Variants in AAGAB observed in about 807,000 individuals in gnomAD.
The protein encoded by AAGAB is alpha- and gamma-adaptin-binding protein p34.
AAGAB carries 38 observed loss-of-function variants against 44.1 expected under a neutral mutation model. The ratio of observed to expected loss-of-function variants is 0.86; its 90% confidence interval spans 0.67 to 1.13. The LOEUF (loss-of-function observed/expected upper bound fraction) is 1.13, where lower values mean the gene tolerates loss of function less well. Among genes scored for constraint, AAGAB ranks in the 50% most tolerant of loss-of-function variants. The pLI is 0.00. For synonymous variants in AAGAB, 131 were observed against 131.8 expected (o/e 0.99, Z 0.04); for missense variants, 450 against 373.8 (o/e 1.20, Z -1.68).
At position 67,236,756 on chromosome 15, in the gene AAGAB, G is replaced by C. The variant is rs199933646; in HGVS notation, c.138C>G (p.Pro46=). Residue 46 remains proline (P), a synonymous_variant, in exon 2 of 10, where the codon CCC becomes CCG. Transcript: ENST00000261880. ...VTSNDAVRFY[P]WTIDNKYYSA... is the part of the protein sequence containing the mutation. ...AATAGTATTTATTATCAATGGTCCA[G>C]GGATAAAATCTCACAGCATCATTGG... 337 of 1,612,638 alleles carry C rather than the reference G, an allele frequency of 2.1e-4. No homozygotes were observed. Among genetic ancestry groups the C allele is most frequent in the Middle Eastern group, 3.3e-4 (2 of 6,078 alleles).
intron 1 of AAGAB, among the ~76,000 whole-genome samples, chr15:67,244,023 A>G (rs1964664783): frequency 6.6e-6 from 1 of 152,234 alleles, no homozygotes; most frequent in South Asian, 2.1e-4. Flanking sequence ...AATTTTTCAT[A>G]AACAAATTAG....
At chr15:67,203,804 T>C (rs1355203080) in intron 8 of AAGAB, among the ~76,000 whole-genome samples, 1 of 152,120 alleles carries the variant, frequency 6.6e-6, no homozygotes, top group Non-Finnish European at 1.5e-5. Flanking sequence ...TTCCACCTTA[T>C]GTAACACATT....
chr15:67,244,462 A>G (rs1290441278), intron 1 of AAGAB, among the ~76,000 whole-genome samples: 2 of 152,202 alleles, frequency 1.3e-5, no homozygotes, highest in South Asian at 2.1e-4. Flanking sequence ...ACCAGAATAT[A>G]TAAGAACTTT....
At chr15:67,237,346 T>C (rs553003523) in intron 1 of AAGAB, among the ~76,000 whole-genome samples, 195 of 152,360 alleles carry the variant, frequency 1.3e-3, no homozygotes, top group African/African-American at 4.5e-3. Context: ...GAATGGATAC[T>C]GATAAATGAC....
chr15:67,227,356 T>C (rs1256950456), intron 5 of AAGAB, among the ~76,000 whole-genome samples: 1 of 152,160 alleles, frequency 6.6e-6, no homozygotes, highest in African/African-American at 2.4e-5. Flanking sequence ...CAACCAACTT[T>C]TTAATTAAAA....
In AAGAB at chr15:67,211,918, C is replaced by T. The variant is rs572329835; in HGVS notation, c.536-2374G>A. Among the ~76,000 whole-genome samples, 198 of 150,560 alleles carry T rather than the reference C, an allele frequency of 1.3e-3. 2 individuals are homozygous for T. Among genetic ancestry groups the T allele is most frequent in the African/African-American group, 4.2e-3 (172 of 40,940 alleles). On this transcript the variant is annotated intron_variant, in intron 5 of 9. Transcript: ENST00000261880. ...TTTTTGAGACAGAGTCTCACTCTTT[C>T]GCCCAGGCTGGAGTGCAGTGGTGCG... is the stretch of plus-strand genomic sequence containing the variant.
At chr15:67,249,315 G>C (rs776669474) in intron 1 of AAGAB, among the ~76,000 whole-genome samples, 6 of 152,132 alleles carry the variant, frequency 3.9e-5, no homozygotes, top group Non-Finnish European at 8.8e-5. Context: ...GATTACAGGC[G>C]TGAGCCACCA....
Position 67,236,463 on chromosome 15 carries a change from T to C in AAGAB, c.306A>G (p.Ala102=), listed in dbSNP as rs201793128. ...LDSVSSWLPL[A]KAWLPEVMIL... ...TCATCACCTCAGGTAACCATGCTTT[T>C]GCCAGTGGAAGCCATGAGGAGACAC... Residue 102 remains alanine (A), a synonymous_variant, in exon 3 of 10, where the codon GCA becomes GCG. Transcript: ENST00000261880. The C allele has an allele frequency of 1.8e-5, 29 of 1,614,134 alleles. 1 individual carries two copies. The Admixed American group carries it at 4.8e-4, about 27-fold the overall frequency.
upstream of AAGAB, chr15:67,254,830 C>T: frequency 6.5e-7 from 1 of 1,533,752 alleles, no homozygotes; most frequent in Non-Finnish European, 8.9e-7. Context: ...GGACGAGCGG[C>T]TCCGGCTGAA....
chr15:67,209,559 T>A lies in AAGAB; in HGVS notation c.536-15A>T. 6.3e-7 allele frequency: 1 copy of A among 1,596,670 alleles called. No homozygotes were observed. Among genetic ancestry groups the A allele is most frequent in the South Asian group, 1.1e-5 (1 of 90,454 alleles). Reference sequence around the variant, plus strand: ...TTGGTTCCTATCTGAAAAGGAAAAATACACTTAGTGAAATTTGTCATTTAC... The same window carrying A: ...TTGGTTCCTATCTGAAAAGGAAAAAAACACTTAGTGAAATTTGTCATTTAC... On this transcript the variant is annotated splice_polypyrimidine_tract_variant and intron_variant, in intron 5 of 9. Transcript: ENST00000261880.
At chr15:67,206,564 G>C (rs1263239854) in intron 7 of AAGAB, among the ~76,000 whole-genome samples, 1 of 152,128 alleles carries the variant, frequency 6.6e-6, no homozygotes, top group African/African-American at 2.4e-5. Flanking sequence ...GGAAGGAGAT[G>C]CTGTCCTTTC....
At position 67,254,655 on chromosome 15, in the gene AAGAB, G is replaced by A. The variant is rs779000422; in HGVS notation, c.-24C>T. 22 of 1,597,048 alleles carry A rather than the reference G, an allele frequency of 1.4e-5. No individual in the cohort carries two copies. The highest frequency in any genetic ancestry group is 1.1e-4 in the South Asian group (10 of 89,168). On this transcript the variant is annotated 5_prime_UTR_variant, in exon 1 of 10. The change creates a new upstream start codon in the 5' untranslated region. Transcript: ENST00000261880. ...ATAGCTGCGCTCGCGAGCCGGTTCCGTCAGGCAGCCGCTTCCGCCTTGGGC... is the reference window on the plus strand; with the variant it reads ...ATAGCTGCGCTCGCGAGCCGGTTCCATCAGGCAGCCGCTTCCGCCTTGGGC...
chr15:67,225,277 C>A (rs533260481), intron 5 of AAGAB, among the ~76,000 whole-genome samples: 1 of 152,216 alleles, frequency 6.6e-6, no homozygotes, highest in Admixed American at 6.5e-5. Context: ...AGATTTTGCA[C>A]GTATACTATC....
intron 5 of AAGAB, among the ~76,000 whole-genome samples, chr15:67,215,653 A>T (rs1963927420): frequency 6.6e-6 from 1 of 152,216 alleles, no homozygotes; most frequent in Non-Finnish European, 1.5e-5. Flanking sequence ...TTCAATTTGC[A>T]TAGAGAAGTT....
intron 5 of AAGAB, among the ~76,000 whole-genome samples, chr15:67,222,282 A>ACACACACACACACACACACACACACCCC (rs796412643): frequency 6.4e-5 from 9 of 139,920 alleles, no homozygotes; most frequent in Admixed American, 4.4e-4. Context: ...ACACACACAC[A>ACACACACACACACACACACACACACCCC]CCCTCCACCC....
At chr15:67,241,053 A>G (rs1172036837) in intron 1 of AAGAB, among the ~76,000 whole-genome samples, 1 of 150,286 alleles carries the variant, frequency 6.7e-6, no homozygotes, top group South Asian at 2.1e-4. Context: ...ACACACACAC[A>G]CACACACACA....
chr15:67,234,730 A>G (rs1317968742), intron 4 of AAGAB, among the ~76,000 whole-genome samples: 2 of 152,224 alleles, frequency 1.3e-5, no homozygotes, highest in African/African-American at 2.4e-5. Context: ...CTGACTCCCA[A>G]GGACAAGAGA....
chr15:67,216,255 A>G (rs952277873), intron 5 of AAGAB, among the ~76,000 whole-genome samples: 9 of 151,966 alleles, frequency 5.9e-5, no homozygotes, highest in Admixed American at 3.9e-4. Flanking sequence ...CAGCGTGGCC[A>G]ACGTGGTAAA....
intron 7 of AAGAB, among the ~76,000 whole-genome samples, chr15:67,205,324 A>G (rs927503615): frequency 6.6e-6 from 1 of 152,218 alleles, no homozygotes; most frequent in Non-Finnish European, 1.5e-5. Context: ...CTTGGTTAAT[A>G]TATTTGCTTT....
Sources: allele counts gnomAD v4.1 joint callset (sites outside exome capture counted in the v4.1 genomes callset), GRCh38; gene constraint gnomAD v4.1.1; transcripts MANE v1.5; gene names NCBI Gene and HGNC (gene_info 2026-07-23, HGNC 2026-07-21).